The following COL21A1 variants were observed in gnomAD, a reference collection of about 807,000 sequenced individuals.
The protein encoded by COL21A1 is collagen type XXI alpha 1 chain.
COL21A1 carries 149 observed loss-of-function variants against 137.9 expected under a neutral mutation model. The ratio of observed to expected loss-of-function variants is 1.08; its 90% CI spans 0.95 to 1.24. The LOEUF (loss-of-function observed/expected upper bound fraction) is 1.24, where lower values mean the gene tolerates loss of function less well. Ranked by LOEUF, COL21A1 falls within the 50% of genes most tolerant of loss-of-function variation. The pLI, the probability that COL21A1 is intolerant of heterozygous loss-of-function variation, is 0.00. For synonymous variants in COL21A1, 456 were observed against 391.5 expected (o/e 1.16, Z -1.95); for missense variants, 1,167 against 1,158.4 (o/e 1.01, Z -0.11).
chr6:56,174,237 A>C (rs1328369684), intron 3 of COL21A1, among the ~76,000 whole-genome samples: 1 of 152,102 alleles, frequency 6.6e-6, no homozygotes, highest in Non-Finnish European at 1.5e-5. Flanking sequence ...AAGGATATCA[A>C]ATAATCAAAT....
chr6:56,305,958 T>G (rs1764440163), intron 1 of COL21A1, among the ~76,000 whole-genome samples: 1 of 149,670 alleles, frequency 6.7e-6, no homozygotes, highest in African/African-American at 2.4e-5. Flanking sequence ...AGCATTTGCT[T>G]GTCTGTAAAG....
chr6:56,265,340 G>A (rs983579099), intron 1 of COL21A1, among the ~76,000 whole-genome samples: 1 of 152,172 alleles, frequency 6.6e-6, no homozygotes, highest in Non-Finnish European at 1.5e-5. Context: ...GCCAGAATTT[G>A]CATGCCTTTT....
At chr6:56,167,788 C>T (rs1776706589) in intron 6 of COL21A1, among the ~76,000 whole-genome samples, 1 of 152,174 alleles carries the variant, frequency 6.6e-6, no homozygotes, top group South Asian at 2.1e-4. Context: ...TATAGCCCCA[C>T]TTACAGATGA....
intron 10 of COL21A1, among the ~76,000 whole-genome samples, chr6:56,152,434 A>G (rs550147576): frequency 2.0e-5 from 3 of 152,334 alleles, no homozygotes; most frequent in Non-Finnish European, 4.4e-5. Flanking sequence ...GGATGTGGAC[A>G]TCTTTGAGGG....
At chr6:56,060,398 T>C (rs2114029041) in intron 27 of COL21A1, 180 bp from the exon 28 acceptor site, 3 of 583,356 alleles carry the variant, frequency 5.1e-6, no homozygotes, top group African/African-American at 3.9e-5. Flanking sequence ...CTCTGTGCGG[T>C]AATTTTATTA....
intron 1 of COL21A1, among the ~76,000 whole-genome samples, chr6:56,379,134 G>A (rs2094004757): frequency 6.6e-6 from 1 of 152,144 alleles, no homozygotes; most frequent in African/African-American, 2.4e-5. Flanking sequence ...AGACGGCGAA[G>A]ACTACAATAA....
intron 17 of COL21A1, chr6:56,091,455 A>T (rs548692307): frequency 1.3e-5 from 2 of 152,746 alleles, no homozygotes; most frequent in South Asian, 4.1e-4. Context: ...TTTCCAAAAT[A>T]AAACTGCTAA....
chr6:56,276,578 T>C, intron 1 of COL21A1: 1 of 1,389,428 alleles, frequency 7.2e-7, no homozygotes, highest in Non-Finnish European at 1.0e-6. Flanking sequence ...TTTCTCCTCC[T>C]GGACATCAGA....
At chr6:56,392,597 A>G (rs576816588) in intron 1 of COL21A1, among the ~76,000 whole-genome samples, 2 of 152,274 alleles carry the variant, frequency 1.3e-5, no homozygotes, top group African/African-American at 4.8e-5. Flanking sequence ...GGAAAACCCT[A>G]AAGATGACAC....
intron 1 of COL21A1, among the ~76,000 whole-genome samples, chr6:56,200,535 T>C (rs941409797): frequency 2.1e-5 from 3 of 144,754 alleles, no homozygotes; most frequent in African/African-American, 7.7e-5. Flanking sequence ...TTCCCACCTA[T>C]GAGTGAGAAC....
intron 1 of COL21A1, among the ~76,000 whole-genome samples, chr6:56,333,251 C>T (rs530121933): frequency 6.6e-6 from 1 of 152,128 alleles, no homozygotes; most frequent in South Asian, 2.1e-4. Flanking sequence ...CAAAAGTTTC[C>T]TGTGTTCCTT....
chr6:56,148,324 A>AGTGAGAC (rs1483198152), intron 10 of COL21A1, among the ~76,000 whole-genome samples: 4 of 64,790 alleles, frequency 6.2e-5, no homozygotes, highest in Non-Finnish European at 1.4e-4. Context: ...TTAGCTTATT[A>AGTGAGAC]GTGAGACAAG....
intron 18 of COL21A1, among the ~76,000 whole-genome samples, chr6:56,076,651 T>C (rs1432817306): frequency 6.6e-6 from 1 of 151,226 alleles, no homozygotes; most frequent in East Asian, 1.9e-4. Context: ...AAAGAATAAG[T>C]AAACTATAAG....
chr6:56,294,657 A>T (rs1208408014), intron 1 of COL21A1, among the ~76,000 whole-genome samples: 1 of 152,102 alleles, frequency 6.6e-6, no homozygotes, highest in African/African-American at 2.4e-5. Flanking sequence ...CAAATGTATA[A>T]TGTGTATAGT....
intron 22 of COL21A1, among the ~76,000 whole-genome samples, chr6:56,068,431 C>CAT: frequency 6.6e-6 from 1 of 151,640 alleles, no homozygotes; most frequent in African/African-American, 2.4e-5. Flanking sequence ...CAAATAAAAG[C>CAT]ATATATTATT....
rs758136076 is a variant in COL21A1, at chr6:56,077,582, A to T, written c.1813-9T>A. The stretch of plus-strand genomic sequence containing the variant: ...GGAAATCCTGGGATTCCCTAAAAAC[A>T]AATAAAATAGATTTTTAACTTATAA... On this transcript the variant is annotated splice_polypyrimidine_tract_variant and intron_variant, in intron 17 of 29. Coordinates refer to ENST00000244728, the MANE Select transcript of COL21A1 (RefSeq NM_030820.4). 1.3e-6 allele frequency: 2 copies of T among 1,528,544 alleles called. No homozygotes were observed. The highest frequency in any genetic ancestry group is 1.9e-5 in the Admixed American group (1 of 53,668). 94.7% of individuals were successfully genotyped at this position (1,528,544 alleles called of 1,614,324 possible).
chr6:56,331,462 A>G (rs1765222468), intron 1 of COL21A1, among the ~76,000 whole-genome samples: 1 of 151,964 alleles, frequency 6.6e-6, no homozygotes, highest in African/African-American at 2.4e-5. Context: ...TTATATGGTG[A>G]AAGATGGGGG....
At chr6:56,340,177 C>T (rs2038143) in intron 1 of COL21A1, among the ~76,000 whole-genome samples, 100,537 of 151,946 alleles carry the variant, frequency 0.66, 33,482 homozygotes, top group South Asian at 0.81. Context: ...CTGAGCCCCA[C>T]CTCACCCCTC....
chr6:56,205,646 T>C (rs1294815668), intron 1 of COL21A1, among the ~76,000 whole-genome samples: 2 of 152,110 alleles, frequency 1.3e-5, no homozygotes, highest in Non-Finnish European at 2.9e-5. Context: ...ACCACAAAGA[T>C]ACTCCTTGAG....
Sources: allele counts gnomAD v4.1 joint callset (sites outside exome capture counted in the v4.1 genomes callset), GRCh38; gene constraint gnomAD v4.1.1; transcripts MANE v1.5; gene names NCBI Gene and HGNC (gene_info 2026-07-23, HGNC 2026-07-21).